Variants in LGR5 observed in about 807,000 individuals in gnomAD.
LGR5 encodes the protein leucine rich repeat containing G protein-coupled receptor 5, also known as leucine-rich repeat-containing G protein-coupled receptor 5.
A neutral mutation model predicts 76.7 loss-of-function variants in LGR5; 54 were observed. The ratio of observed to expected loss-of-function variants is 0.70; its 90% CI spans 0.57 to 0.88. LGR5 has a LOEUF of 0.88. Among genes scored for constraint, LGR5 ranks in the 40% least tolerant of loss-of-function variants. The pLI is 0.00. For synonymous variants in LGR5, 406 were observed against 421.9 expected (o/e 0.96, Z 0.46); for missense variants, 1,078 against 1,073.3 (o/e 1.00, Z -0.06).
intron 1 of LGR5, among the ~76,000 whole-genome samples, chr12:71,470,103 C>A (rs1388956947): frequency 2.0e-5 from 3 of 152,170 alleles, no homozygotes; most frequent in Non-Finnish European, 4.4e-5. Context: ...ATCCATACCA[C>A]CAGCAGTATC....
At chr12:71,517,815 A>G (rs1875519407) in intron 2 of LGR5, among the ~76,000 whole-genome samples, 1 of 152,254 alleles carries the variant, frequency 6.6e-6, no homozygotes, top group Non-Finnish European at 1.5e-5. Context: ...AGTATTATAC[A>G]TTATACATCG....
intron 2 of LGR5, among the ~76,000 whole-genome samples, chr12:71,521,314 G>A (rs1216174871): frequency 1.3e-5 from 2 of 152,138 alleles, no homozygotes; most frequent in African/African-American, 4.8e-5. Context: ...AGGAAACCGC[G>A]GGGGTCCATC....
chr12:71,452,009 G>A (rs1236036307), intron 1 of LGR5, among the ~76,000 whole-genome samples: 1 of 152,126 alleles, frequency 6.6e-6, no homozygotes, highest in East Asian at 1.9e-4. Context: ...AATTGGGATA[G>A]CCCCTACATC....
intron 1 of LGR5, among the ~76,000 whole-genome samples, chr12:71,452,494 C>T (rs554834682): frequency 1.1e-4 from 16 of 152,244 alleles, no homozygotes; most frequent in South Asian, 4.1e-4. Context: ...AAATGTGCAA[C>T]GGAGTGAGAC....
chr12:71,495,514 C>A (rs1200572793), intron 1 of LGR5, among the ~76,000 whole-genome samples: 1 of 151,396 alleles, frequency 6.6e-6, no homozygotes, highest in Non-Finnish European at 1.5e-5. Flanking sequence ...CTTTTAAGCC[C>A]TAGCTGGTTT....
chr12:71,582,996 A>AG, intron 17 of LGR5, among the ~76,000 whole-genome samples: 1 of 142,942 alleles, frequency 7.0e-6, no homozygotes, highest in Middle Eastern at 3.2e-3. Flanking sequence ...GGGGAAGGGA[A>AG]GGGAGGGGAG....
In LGR5 at chr12:71,583,780, C is replaced by T; in HGVS notation, c.1770C>T (p.Ser590=). ...TTTTCAGATCCCCTCTGTACATTTC[C>T]CCCATTAAACTGTTAATTGGGGTCA... The part of the protein sequence containing the change: ...STVFRSPLYI[S]PIKLLIGVIA... The change falls in exon 18 of 18, where the codon TCC becomes TCT. Residue 590 remains serine, a synonymous_variant. Coordinates refer to ENST00000266674, the MANE Select transcript of LGR5 (RefSeq NM_003667.4). 1 of 1,614,070 alleles carries T rather than the reference C, an allele frequency of 6.2e-7. No individual in the cohort carries two copies. Among genetic ancestry groups the T allele is most frequent in the Non-Finnish European group, 8.5e-7 (1 of 1,180,020 alleles).
Position 71,504,694 on chromosome 12 carries a change from C to G in LGR5, c.284+9C>G. ...CGCTTCCTGGAGGAGTTGTAAGTATCACTGTAGTCTTGATGCATCCAGTCA... is the reference window on the plus strand; with the variant it reads ...CGCTTCCTGGAGGAGTTGTAAGTATGACTGTAGTCTTGATGCATCCAGTCA... On this transcript the variant is annotated intron_variant, in intron 2 of 17. Transcript: ENST00000266674. 1.2e-6 allele frequency: 2 copies of G among 1,603,104 alleles called. No individual in the cohort carries two copies. The highest frequency in any genetic ancestry group is 1.7e-6 in the Non-Finnish European group (2 of 1,170,016).
intron 1 of LGR5, among the ~76,000 whole-genome samples, chr12:71,501,083 TA>T (rs1236731756): frequency 1.3e-5 from 2 of 152,136 alleles, no homozygotes; most frequent in Non-Finnish European, 2.9e-5. Flanking sequence ...AGATATGTTT[TA>T]AAAAAACAGA....
intron 1 of LGR5, among the ~76,000 whole-genome samples, chr12:71,462,219 T>C (rs1872711223): frequency 1.3e-5 from 2 of 152,018 alleles, no homozygotes; most frequent in African/African-American, 4.8e-5. Context: ...TACAATCACC[T>C]CAAGTCATAC....
At chr12:71,491,064 C>G (rs945223191) in intron 1 of LGR5, among the ~76,000 whole-genome samples, 5 of 152,138 alleles carry the variant, frequency 3.3e-5, no homozygotes, top group African/African-American at 1.2e-4. Context: ...AAGGGCAGTT[C>G]CCCTGCACAT....
intron 5 of LGR5, 35 bp from the exon 6 acceptor site, chr12:71,556,584 G>T: frequency 7.5e-7 from 1 of 1,335,544 alleles, no homozygotes; most frequent in Non-Finnish European, 1.1e-6. Flanking sequence ...TCTGTGCAGT[G>T]TGCCTTCCTA....
At chr12:71,582,281 T>C (rs1305035267) in intron 16 of LGR5, 175 bp from the exon 17 acceptor site, 5 of 570,672 alleles carry the variant, frequency 8.8e-6, no homozygotes, top group Admixed American at 2.9e-5. Flanking sequence ...TAGTATGTCA[T>C]AGCAGCTTGA....
chr12:71,449,440 T>C (rs1872161156), intron 1 of LGR5, among the ~76,000 whole-genome samples: 1 of 152,136 alleles, frequency 6.6e-6, no homozygotes, highest in South Asian at 2.1e-4. Flanking sequence ...CAAGCTTGGG[T>C]AGCAAAAGGA....
chr12:71,555,923 T>C (rs1410992683), intron 5 of LGR5, among the ~76,000 whole-genome samples: 2 of 152,134 alleles, frequency 1.3e-5, no homozygotes, highest in Non-Finnish European at 2.9e-5. Flanking sequence ...TGGAATCAGC[T>C]GAAATGCCCA....
chr12:71,556,324 TA>T (rs1041316964), intron 5 of LGR5, among the ~76,000 whole-genome samples: 86 of 144,804 alleles, frequency 5.9e-4, no homozygotes, highest in Admixed American at 9.0e-4. Context: ...ACTTAAAAAT[TA>T]AAAAAAAAAA....
chr12:71,548,491 T>C (rs567525145), intron 4 of LGR5, among the ~76,000 whole-genome samples: 15 of 152,322 alleles, frequency 9.8e-5, no homozygotes, highest in African/African-American at 3.4e-4. Context: ...CCAGCACTCA[T>C]TTTGGCCACT....
upstream of LGR5, among the ~76,000 whole-genome samples, chr12:71,439,454 G>T (rs1016348331): frequency 5.3e-5 from 8 of 152,126 alleles, no homozygotes; most frequent in Admixed American, 1.3e-4. Flanking sequence ...GTCCTTGTGC[G>T]TCTGTTTAGG....
rs1879250174 is a variant in LGR5 at position 71,584,692 on chromosome 12, G to A, written c.2682G>A (p.Glu894=). The A allele has an allele frequency of 1.2e-6, 2 of 1,613,414 alleles. No individual in the cohort carries two copies. Among genetic ancestry groups the A allele is most frequent in the Non-Finnish European group, 1.7e-6 (2 of 1,179,418 alleles). ...CATCACCAGCTTATCCAGTGACTGA[G>A]AGCTGCCATCTTTCCTCTGTGGCAT... ...SVPSPAYPVT[E]SCHLSSVAFV... is the part of the protein sequence containing the mutation. The change falls in exon 18 of 18, where the codon GAG becomes GAA. Residue 894 remains glutamate, a synonymous_variant. Coordinates refer to ENST00000266674, the MANE Select transcript of LGR5 (RefSeq NM_003667.4).
Sources: gnomAD v4.1 joint callset for allele counts (sites outside exome capture counted in the v4.1 genomes callset) on GRCh38, gnomAD v4.1.1 for gene constraint, MANE v1.5 for transcripts, NCBI Gene and HGNC (gene_info 2026-07-23, HGNC 2026-07-21) for gene names.